The following L3MBTL4 variants were observed in gnomAD, a reference collection of about 807,000 sequenced individuals.
The protein encoded by L3MBTL4 is lethal(3)malignant brain tumor-like protein 4.
Under a neutral mutation model 84.5 loss-of-function variants are expected in L3MBTL4, and 70 were observed. That is an observed-to-expected ratio of 0.83 (90% CI 0.68 to 1.01). L3MBTL4 has a LOEUF of 1.01. Among genes scored for constraint, L3MBTL4 ranks in the 50% least tolerant of loss-of-function variants. The pLI is 0.00. For synonymous variants in L3MBTL4, 274 were observed against 259.8 expected (o/e 1.05, Z -0.52); for missense variants, 715 against 754.8 (o/e 0.95, Z 0.62).
rs183388779 is a variant in L3MBTL4, at chr18:6,212,307, A to G, written c.981+842T>C. On this transcript the variant is annotated intron_variant, in intron 12 of 18. Transcript: ENST00000317931. Reference sequence around the variant, plus strand: ...TTCTCTATAAATTGAATCAGATATTATTTTCAAATTAGGGATACGGCAAAT... The same window carrying G: ...TTCTCTATAAATTGAATCAGATATTGTTTTCAAATTAGGGATACGGCAAAT... Among the ~76,000 whole-genome samples the G allele has an allele frequency of 4.8e-3, 724 of 152,332 alleles. 9 individuals are homozygous for G. Among genetic ancestry groups the G allele is most frequent in the African/African-American group, 0.016 (683 of 41,576 alleles).
chr18:6,008,688 C>T (rs1341881494), intron 16 of L3MBTL4, among the ~76,000 whole-genome samples: 1 of 152,182 alleles, frequency 6.6e-6, no homozygotes, highest in Non-Finnish European at 1.5e-5. Flanking sequence ...ATTAGGGCTT[C>T]AACACATGAA....
At chr18:6,361,429 A>G (rs759607709) in intron 1 of L3MBTL4, among the ~76,000 whole-genome samples, 2 of 152,180 alleles carry the variant, frequency 1.3e-5, no homozygotes, top group Admixed American at 6.5e-5. Context: ...CCACATGATC[A>G]TAGCCCCAGC....
intron 12 of L3MBTL4, among the ~76,000 whole-genome samples, chr18:6,205,823 C>T (rs745330320): frequency 2.7e-4 from 41 of 152,262 alleles, no homozygotes; most frequent in African/African-American, 7.9e-4. Flanking sequence ...GCAAAAGAGA[C>T]GATGTTTGGC....
At chr18:6,288,246 T>C (rs2049689468) in intron 4 of L3MBTL4, among the ~76,000 whole-genome samples, 1 of 152,268 alleles carries the variant, frequency 6.6e-6, no homozygotes, top group African/African-American at 2.4e-5. Context: ...AAATGTATTA[T>C]GTTGTATGTT....
chr18:6,152,040 G>T (rs1170500696), intron 13 of L3MBTL4, among the ~76,000 whole-genome samples: 1 of 152,170 alleles, frequency 6.6e-6, no homozygotes, highest in African/African-American at 2.4e-5. Flanking sequence ...GTTTATCCAT[G>T]ATATTGGAAA....
chr18:6,269,427 A>G lies in L3MBTL4; in HGVS notation c.128-5389T>C, dbSNP rs1221969341. ...AGCCAAGATCGCACCACTACACTCC[A>G]GCTTGGGTGACGGAGCGAGACTCTG... On this transcript the variant is annotated intron_variant, in intron 4 of 18. Coordinates refer to ENST00000317931, the MANE Select transcript of L3MBTL4 (RefSeq NM_001330559.2). Among the ~76,000 whole-genome samples, 3 of 152,304 alleles carry G rather than the reference A, an allele frequency of 2.0e-5. No individual in the cohort carries two copies. The East Asian group carries it at 5.8e-4, about 29-fold the overall frequency.
At chr18:6,148,347 C>T (rs946983428) in intron 13 of L3MBTL4, among the ~76,000 whole-genome samples, 3 of 152,134 alleles carry the variant, frequency 2.0e-5, no homozygotes, top group African/African-American at 7.2e-5. Flanking sequence ...TTTCAAAAAT[C>T]AGGAGAATGA....
chr18:6,078,439 CAAAAA>C (rs769376748), intron 16 of L3MBTL4, among the ~76,000 whole-genome samples: 1 of 43,748 alleles, frequency 2.3e-5, no homozygotes, highest in Non-Finnish European at 4.2e-5. Context: ...AAAAAAAAAA[CAAAAA>C]AAAAAAAAAA....
At chr18:6,230,667 A>C (rs2145982451) in intron 10 of L3MBTL4, among the ~76,000 whole-genome samples, 1 of 152,266 alleles carries the variant, frequency 6.6e-6, no homozygotes, top group African/African-American at 2.4e-5. Flanking sequence ...AAATCACTAC[A>C]CTGCTTTCCA....
chr18:6,010,606 C>T (rs1240946950), intron 16 of L3MBTL4, among the ~76,000 whole-genome samples: 1 of 152,114 alleles, frequency 6.6e-6, no homozygotes. Context: ...TCAGTGTTGG[C>T]CTAGATTTCC....
Position 6,350,846 on chromosome 18 carries a change from G to A in L3MBTL4, c.-90-38790C>T, listed in dbSNP as rs540140158. Among the ~76,000 whole-genome samples the A allele has an allele frequency of 7.2e-4, 110 of 152,220 alleles. 1 individual carries two copies. Among genetic ancestry groups the A allele is most frequent in the African/African-American group, 2.4e-3 (98 of 41,552 alleles). On this transcript the variant is annotated intron_variant, in intron 1 of 18. Transcript: ENST00000317931. Reference sequence around the variant, plus strand: ...CCTACATGTCCATTATGGATGAATCGATAAAGAAAATGTAGTATAAACATA... The same window carrying A: ...CCTACATGTCCATTATGGATGAATCAATAAAGAAAATGTAGTATAAACATA...
At chr18:6,190,123 G>T (rs941214201) in intron 12 of L3MBTL4, among the ~76,000 whole-genome samples, 2 of 152,138 alleles carry the variant, frequency 1.3e-5, no homozygotes, top group Admixed American at 1.3e-4. Context: ...TATAGAGATT[G>T]CCAGACTAAA....
At chr18:6,260,199 G>A (rs2048336387) in intron 5 of L3MBTL4, 1 of 152,188 alleles carries the variant, frequency 6.6e-6, no homozygotes. Context: ...TAGCCTTGCA[G>A]TATAGTCTGA....
At chr18:6,014,750 C>T (rs541476611) in intron 16 of L3MBTL4, among the ~76,000 whole-genome samples, 15 of 152,198 alleles carry the variant, frequency 9.9e-5, no homozygotes, top group Admixed American at 3.9e-4. Context: ...GAAAACTTGA[C>T]CTTACCCCAA....
At chr18:6,185,363 T>G (rs1311782659) in intron 12 of L3MBTL4, among the ~76,000 whole-genome samples, 1 of 152,190 alleles carries the variant, frequency 6.6e-6, no homozygotes, top group Non-Finnish European at 1.5e-5. Context: ...GACACAGCCC[T>G]TTATGGATGG....
chr18:5,956,350 G>A lies in L3MBTL4; in HGVS notation c.1715C>T (p.Thr572Met), dbSNP rs746405971. Reference sequence around the variant, plus strand: ...GATCTTCATCACTTTGACAATGTCCGTCTGTGTCAGAAGCAGGAAGGCTTT... The same window carrying A: ...GATCTTCATCACTTTGACAATGTCCATCTGTGTCAGAAGCAGGAAGGCTTT... ...DGKAFLLLTQ[T>M]DIVKVMKIKL... is the part of the protein sequence containing the mutation. Residue 572 changes from threonine (T) to methionine (M), a missense_variant, in exon 19 of 19, where the codon ACG becomes ATG. By Grantham distance (81) the Thr-to-Met change is moderately conservative (BLOSUM62 -1). Transcript: ENST00000317931. 70 of 1,613,976 alleles carry A rather than the reference G, an allele frequency of 4.3e-5. No individual in the cohort carries two copies. Among genetic ancestry groups the A allele is most frequent in the South Asian group, 3.6e-4 (33 of 91,080 alleles).
chr18:5,960,999 C>A (rs900825403), intron 17 of L3MBTL4, among the ~76,000 whole-genome samples: 1 of 152,190 alleles, frequency 6.6e-6, no homozygotes, highest in Non-Finnish European at 1.5e-5. Context: ...GCACTACTGG[C>A]TAGCTCCAGT....
At chr18:6,077,542 T>C (rs144532783) in intron 16 of L3MBTL4, among the ~76,000 whole-genome samples, 2 of 152,122 alleles carry the variant, frequency 1.3e-5, no homozygotes, top group African/African-American at 4.8e-5. Flanking sequence ...AGCATACATA[T>C]GGTGAATAAA....
chr18:6,025,878 T>G, intron 16 of L3MBTL4, among the ~76,000 whole-genome samples: 1 of 152,238 alleles, frequency 6.6e-6, no homozygotes, highest in South Asian at 2.1e-4. Context: ...CACTTCCTGC[T>G]GCGCAGCCTG....
Sources: allele counts gnomAD v4.1 joint callset (sites outside exome capture counted in the v4.1 genomes callset), GRCh38; gene constraint gnomAD v4.1.1; transcripts MANE v1.5; gene names NCBI Gene and HGNC (gene_info 2026-07-23, HGNC 2026-07-21).